Variants in CCDC170 observed in about 807,000 individuals in gnomAD.
The protein encoded by CCDC170 is coiled-coil domain containing 170, also known as coiled-coil domain-containing protein 170.
Under a neutral mutation model 72.6 loss-of-function variants are expected in CCDC170, and 69 were observed. The observed-to-expected ratio is 0.95, with a 90% CI of 0.78 to 1.16. The LOEUF (loss-of-function observed/expected upper bound fraction) is 1.16, where lower values mean the gene tolerates loss of function less well. Among genes scored for constraint, CCDC170 ranks in the 50% most tolerant of loss-of-function variants. The pLI is 0.00. For synonymous variants in CCDC170, 300 were observed against 303.9 expected, an observed-to-expected ratio of 0.99 and a Z score of 0.13; for missense variants, 852 against 832.5, an observed-to-expected ratio of 1.02 and a Z score of -0.29.
intron 1 of CCDC170, among the ~76,000 whole-genome samples, chr6:151,535,016 G>A (rs1172550854): frequency 6.6e-6 from 1 of 151,048 alleles, no homozygotes; most frequent in Non-Finnish European, 1.5e-5. Flanking sequence ...TCCAACCTCA[G>A]TAATAATTCT....
chr6:151,507,845 A>C (rs550641395), intron 1 of CCDC170, among the ~76,000 whole-genome samples: 350 of 151,598 alleles, frequency 2.3e-3, no homozygotes, highest in Non-Finnish European at 4.1e-3. Flanking sequence ...CGCTTGAACC[A>C]GGGAGTCGGA....
intron 7 of CCDC170, among the ~76,000 whole-genome samples, chr6:151,592,611 C>T (rs184396828): frequency 2.4e-4 from 36 of 152,208 alleles, no homozygotes; most frequent in African/African-American, 8.2e-4. Flanking sequence ...GAACAGTATG[C>T]GGGAAACTGC....
Position 151,494,087 on chromosome 6 carries a change from G to A in CCDC170, c.-42G>A. 6.8e-7 allele frequency: 1 copy of A among 1,479,318 alleles called. No individual in the cohort carries two copies. Among genetic ancestry groups the A allele is most frequent in the Non-Finnish European group, 8.9e-7 (1 of 1,121,586 alleles). The allele number at this position is 1,479,318 out of a possible 1,614,324, so 91.6% of individuals were successfully genotyped here. A position where few individuals can be genotyped will look rare whatever the true frequency, so the allele number is the denominator to read the frequency against. On this transcript the variant is annotated 5_prime_UTR_variant, in exon 1 of 11. Coordinates refer to ENST00000239374, the MANE Select transcript of CCDC170 (RefSeq NM_025059.4). Reference sequence around the variant, plus strand: ...GCTCCCGGCGCCGCCGCTTCCTCAGGGCCGGTTCCGGGTCCGAGCGCGCCC... The same window carrying A: ...GCTCCCGGCGCCGCCGCTTCCTCAGAGCCGGTTCCGGGTCCGAGCGCGCCC...
chr6:151,581,926 T>A (rs1776383777), intron 6 of CCDC170, among the ~76,000 whole-genome samples: 1 of 152,214 alleles, frequency 6.6e-6, no homozygotes, highest in Non-Finnish European at 1.5e-5. Flanking sequence ...CTTGAAATAT[T>A]CAGTAAAACT....
chr6:151,592,985 G>T, intron 7 of CCDC170, 122 bp from the exon 8 acceptor site: 2 of 1,072,360 alleles, frequency 1.9e-6, no homozygotes, highest in East Asian at 2.6e-5. Flanking sequence ...TCCGTGCTCC[G>T]TTCCATGCTC....
intron 1 of CCDC170, among the ~76,000 whole-genome samples, chr6:151,510,532 C>T (rs1782132390): frequency 1.3e-5 from 2 of 151,722 alleles, no homozygotes; most frequent in Admixed American, 6.6e-5. Flanking sequence ...TGTACGTCTG[C>T]CATGCAAAAA....
rs1055245521 is a variant in CCDC170 at position 151,518,440 on chromosome 6, A to G, written c.58-17878A>G. Among the ~76,000 whole-genome samples the G allele has an allele frequency of 3.9e-5, 6 of 152,318 alleles. No individual in the cohort carries two copies. In the East Asian group the frequency reaches 1.2e-3, roughly 29 times the overall value. Reference sequence around the variant, plus strand: ...CATTTGTTACCAGGAAGGAGTCCCAATCCAGACCCCCAAGAGAGGGTTCTT... The same window carrying G: ...CATTTGTTACCAGGAAGGAGTCCCAGTCCAGACCCCCAAGAGAGGGTTCTT... On this transcript the variant is annotated intron_variant, in intron 1 of 10. Coordinates refer to ENST00000239374, the MANE Select transcript of CCDC170 (RefSeq NM_025059.4).
intron 4 of CCDC170, among the ~76,000 whole-genome samples, chr6:151,546,625 C>T (rs1247019038): frequency 6.6e-6 from 1 of 152,128 alleles, no homozygotes; most frequent in African/African-American, 2.4e-5. Flanking sequence ...GCCCTAAGCC[C>T]CCCAGACAGC....
rs1005754616 is a variant in CCDC170, at chr6:151,620,815, A to T, written c.*2668A>T. On this transcript the variant is annotated 3_prime_UTR_variant, in exon 11 of 11. Coordinates refer to ENST00000239374, the MANE Select transcript of CCDC170 (RefSeq NM_025059.4). The stretch of plus-strand genomic sequence containing the variant: ...TTTAAAAACATGAAATTTTTTTTTC[A>T]TTTTTGATTTGATATCATTAATTTT... The T allele has an allele frequency of 3.5e-4, 53 of 151,304 alleles. No homozygotes were observed. The highest frequency in any genetic ancestry group is 2.8e-4 in the Non-Finnish European group (19 of 67,800). The allele number at this position is 151,304 out of a possible 1,614,324, so 9.4% of individuals were successfully genotyped here.
chr6:151,580,728 G>A (rs143760809), intron 6 of CCDC170, among the ~76,000 whole-genome samples: 1 of 152,286 alleles, frequency 6.6e-6, no homozygotes, highest in African/African-American at 2.4e-5. Flanking sequence ...GAGAGCCATG[G>A]AAGCACAGGA....
chr6:151,548,365 C>G lies in CCDC170; in HGVS notation c.650C>G (p.Thr217Ser). ...VKGQIVILEE[T>S]INVHEMEAKA... ...GGACAAATTGTTATTCTTGAAGAGA[C>G]TATAAATGTCCATGAGATGGAAGCA... is the stretch of plus-strand genomic sequence containing the variant. Residue 217 changes from threonine (T) to serine (S), a missense_variant, in exon 5 of 11, where the codon ACT becomes AGT. Coordinates refer to ENST00000239374, the MANE Select transcript of CCDC170 (RefSeq NM_025059.4). 1 of 1,612,746 alleles carries G rather than the reference C, an allele frequency of 6.2e-7. No individual in the cohort carries two copies. The highest frequency in any genetic ancestry group is 8.5e-7 in the Non-Finnish European group (1 of 1,179,196).
At chr6:151,512,848 A>G (rs940427501) in intron 1 of CCDC170, among the ~76,000 whole-genome samples, 3 of 152,246 alleles carry the variant, frequency 2.0e-5, no homozygotes, top group Admixed American at 2.0e-4. Context: ...TCTTCGTGTG[A>G]TAAATATTAT....
intron 9 of CCDC170, among the ~76,000 whole-genome samples, chr6:151,596,887 C>T (rs961208193): frequency 6.6e-6 from 1 of 152,098 alleles, no homozygotes; most frequent in South Asian, 2.1e-4. Context: ...AGTGCAATGA[C>T]GTGATCTTGG....
chr6:151,554,404 G>T (rs998831412), intron 5 of CCDC170, among the ~76,000 whole-genome samples: 1 of 152,122 alleles, frequency 6.6e-6, no homozygotes, highest in Non-Finnish European at 1.5e-5. Context: ...TGCCTTTTTT[G>T]TTAGCTTACA....
intron 1 of CCDC170, among the ~76,000 whole-genome samples, chr6:151,517,751 T>A (rs973371222): frequency 1.3e-5 from 2 of 152,042 alleles, no homozygotes; most frequent in Non-Finnish European, 2.9e-5. Flanking sequence ...CACTAATAAT[T>A]TCTTCTTAAC....
At chr6:151,507,387 T>G (rs753897702) in intron 1 of CCDC170, among the ~76,000 whole-genome samples, 9 of 152,166 alleles carry the variant, frequency 5.9e-5, no homozygotes, top group Non-Finnish European at 1.3e-4. Flanking sequence ...AACTTAGAAT[T>G]TTTCAAATTT....
intron 5 of CCDC170, among the ~76,000 whole-genome samples, chr6:151,556,657 G>A (rs1458445456): frequency 2.0e-5 from 3 of 151,996 alleles, no homozygotes; most frequent in African/African-American, 7.2e-5. Flanking sequence ...TTTATTACAC[G>A]CATAGAATGT....
Position 151,536,327 on chromosome 6 carries a change from G to A in CCDC170, c.67G>A (p.Asp23Asn), listed in dbSNP as rs781184695. 53 of 1,613,368 alleles carry A rather than the reference G, an allele frequency of 3.3e-5. No homozygotes were observed. The highest frequency in any genetic ancestry group is 1.6e-4 in the Middle Eastern group (1 of 6,062). ...AASPAPEETY[D>N]HLSEVPVTRE... ...GGGGGAATTCTACCAGGAAACTTAC[G>A]ATCATCTTTCGGAAGTCCCGGTCAC... Residue 23 changes from aspartate to asparagine, a missense_variant, in exon 2 of 11, where the codon GAT (aspartate) becomes AAT (asparagine). Asp to Asn is a conservative substitution (Grantham distance 23). Transcript: ENST00000239374.
At chr6:151,536,140 C>T in intron 1 of CCDC170, 178 bp from the exon 2 acceptor site, 1 of 645,722 alleles carries the variant, frequency 1.5e-6, no homozygotes, top group Non-Finnish European at 2.6e-6. Flanking sequence ...TCCTGCTTCC[C>T]TTTGAACTTT....
Sources: allele counts gnomAD v4.1 joint callset (sites outside exome capture counted in the v4.1 genomes callset), GRCh38; gene constraint gnomAD v4.1.1; transcripts MANE v1.5; gene names NCBI Gene and HGNC (gene_info 2026-07-23, HGNC 2026-07-21).